Variants in SMURF1 observed in about 807,000 individuals in gnomAD.
The protein encoded by SMURF1 is E3 ubiquitin-protein ligase SMURF1.
SMURF1 carries 44 observed loss-of-function variants against 98.0 expected under a neutral mutation model. The ratio of observed to expected loss-of-function variants is 0.45; its 90% CI spans 0.35 to 0.58. The LOEUF (loss-of-function observed/expected upper bound fraction) is 0.58, where lower values mean the gene tolerates loss of function less well. Ranked by LOEUF, SMURF1 falls within the 20% of genes least tolerant of loss-of-function variation. SMURF1 has a pLI of 0.00. For missense variants in SMURF1, 687 were observed against 938.4 expected, an observed-to-expected ratio of 0.73 and a Z score of 3.50; for synonymous variants, 396 against 374.9, an observed-to-expected ratio of 1.06 and a Z score of -0.65.
At chr7:99,051,173 G>T (rs1234465796) in intron 8 of SMURF1, among the ~76,000 whole-genome samples, 184 bp downstream of exon 8, 1 of 152,262 alleles carries the variant, frequency 6.6e-6, no homozygotes, top group South Asian at 2.1e-4. Context: ...AATGACTCAC[G>T]TTTCAAATGT....
At chr7:99,038,571 C>G (rs760636861) in intron 13 of SMURF1, 46 bp from the exon 14 acceptor site, 1 of 1,594,354 alleles carries the variant, frequency 6.3e-7, no homozygotes, top group Non-Finnish European at 8.6e-7. Context: ...TCTGCCACCA[C>G]GCGGGGCCAT....
chr7:99,103,252 T>G (rs1235740661), intron 1 of SMURF1, among the ~76,000 whole-genome samples: 1 of 152,144 alleles, frequency 6.6e-6, no homozygotes, highest in Non-Finnish European at 1.5e-5. Flanking sequence ...TATACACCAC[T>G]CCCAGCACTG....
rs1486263224 is a variant in SMURF1, at chr7:99,035,594, A to G, written c.1932T>C (p.Asp644=). 3.7e-6 allele frequency: 6 copies of G among 1,614,066 alleles called. No individual in the cohort carries two copies. Among genetic ancestry groups the G allele is most frequent in the South Asian group, 3.3e-5 (3 of 91,078 alleles). ...RWFWQAVETF[D]EERRARLLQF... is the part of the protein sequence containing the mutation. Reference sequence around the variant, plus strand: ...GCAGGAGCCTGGCCCTCCTTTCTTCATCGAACGTCTCCACCGCTTGCCAGA... The same window carrying G: ...GCAGGAGCCTGGCCCTCCTTTCTTCGTCGAACGTCTCCACCGCTTGCCAGA... The change falls in exon 16 of 18, where the codon GAT becomes GAC. Residue 644 remains aspartate (D), a synonymous_variant. Coordinates refer to ENST00000361368, the MANE Select transcript of SMURF1 (RefSeq NM_181349.3).
intron 1 of SMURF1, among the ~76,000 whole-genome samples, chr7:99,117,772 G>C (rs1797493091): frequency 6.6e-6 from 1 of 151,912 alleles, no homozygotes; most frequent in African/African-American, 2.4e-5. Flanking sequence ...TCATATATCT[G>C]ATGAGTCTAA....
chr7:99,067,678 G>A (rs923755888), intron 1 of SMURF1, among the ~76,000 whole-genome samples: 3 of 152,086 alleles, frequency 2.0e-5, no homozygotes, highest in Admixed American at 6.6e-5. Context: ...GAGGTCGGGC[G>A]CAGTGGCTCA....
intron 8 of SMURF1, chr7:99,050,582 A>G (rs1795721960): frequency 5.3e-6 from 1 of 188,768 alleles, no homozygotes; most frequent in African/African-American, 2.3e-5. Context: ...AACACAATCT[A>G]CAGTCAGAAG....
intron 13 of SMURF1, among the ~76,000 whole-genome samples, chr7:99,040,144 T>C (rs576835106): frequency 1.3e-5 from 2 of 152,178 alleles, no homozygotes; most frequent in Non-Finnish European, 2.9e-5. Flanking sequence ...TGTATTTTTT[T>C]GCAGTAACGG....
At chr7:99,134,983 T>C (rs140639607) in intron 1 of SMURF1, among the ~76,000 whole-genome samples, 8 of 152,302 alleles carry the variant, frequency 5.3e-5, no homozygotes, top group Admixed American at 3.9e-4. Flanking sequence ...AAAATAAGTC[T>C]GTTCAGAGCT....
intron 1 of SMURF1, among the ~76,000 whole-genome samples, chr7:99,087,072 C>CA (rs1040520036): frequency 2.0e-5 from 3 of 151,726 alleles, no homozygotes; most frequent in Middle Eastern, 3.4e-3. Flanking sequence ...AATTTCATCT[C>CA]AAAAAAAATT....
At chr7:99,055,855 A>G (rs1795863172) in intron 5 of SMURF1, among the ~76,000 whole-genome samples, 1 of 152,118 alleles carries the variant, frequency 6.6e-6, no homozygotes, top group Non-Finnish European at 1.5e-5. Context: ...AACTCCAGCT[A>G]CTCAGGAGGC....
In SMURF1 at chr7:99,035,662, G is replaced by A. The variant is rs779719734; in HGVS notation, c.1864C>T (p.Arg622Trp). 9 of 1,614,088 alleles carry A rather than the reference G, an allele frequency of 5.6e-6. No homozygotes were observed. Among genetic ancestry groups the A allele is most frequent in the Non-Finnish European group, 7.6e-6 (9 of 1,180,048 alleles). ...CTGTCGGCCACACAGTGCTTCAGCC[G>A]CGTGTTCGACTTCCAGTCGTTCAAG... ...IDLNDWKSNT[R>W]LKHCVADSNI... The change falls in exon 16 of 18, where the codon CGG (arginine) becomes TGG (tryptophan). Residue 622 changes from arginine to tryptophan, a missense_variant. This residue lies in a region of SMURF1 where 272 missense variants were observed against 430.0 expected (regional missense o/e 0.63). Coordinates refer to ENST00000361368, the MANE Select transcript of SMURF1 (RefSeq NM_181349.3).
intron 1 of SMURF1, among the ~76,000 whole-genome samples, chr7:99,072,212 T>C (rs1233062247): frequency 1.3e-5 from 2 of 152,178 alleles, no homozygotes; most frequent in Non-Finnish European, 2.9e-5. Context: ...TTTATAGAGA[T>C]AGGATTTTGC....
chr7:99,057,524 G>C lies in SMURF1; in HGVS notation c.231C>G (p.Thr77=). ...DLYVGKTDSI[T]ISVWNHKKIH... ...TTTTCTTATGGTTCCACACGCTAAT[G>C]GTTATCGAATCCGTTTTCCCAACAT... Residue 77 remains threonine, a synonymous_variant, in exon 4 of 18, where the codon ACC becomes ACG. Transcript: ENST00000361368. The C allele has an allele frequency of 1.3e-6, 2 of 1,555,104 alleles. No individual in the cohort carries two copies. Among genetic ancestry groups the C allele is most frequent in the Non-Finnish European group, 1.7e-6 (2 of 1,157,864 alleles).
intron 7 of SMURF1, among the ~76,000 whole-genome samples, chr7:99,051,731 G>A (rs1795756663): frequency 6.6e-6 from 1 of 152,188 alleles, no homozygotes; most frequent in South Asian, 2.1e-4. Flanking sequence ...GAGATTTGGA[G>A]CAATTGCTGA....
intron 1 of SMURF1, among the ~76,000 whole-genome samples, chr7:99,141,845 A>G (rs1798124627): frequency 2.6e-5 from 4 of 152,204 alleles, no homozygotes; most frequent in African/African-American, 7.2e-5. Flanking sequence ...AAAGGACCTG[A>G]CCAAACCAGG....
intron 1 of SMURF1, among the ~76,000 whole-genome samples, chr7:99,082,175 T>G (rs1237339554): frequency 6.6e-6 from 1 of 152,232 alleles, no homozygotes; most frequent in African/African-American, 2.4e-5. Context: ...TTTATATATT[T>G]TAGAGACAAG....
At chr7:99,122,051 C>T (rs1797640961) in intron 1 of SMURF1, among the ~76,000 whole-genome samples, 1 of 152,126 alleles carries the variant, frequency 6.6e-6, no homozygotes, top group Non-Finnish European at 1.5e-5. Flanking sequence ...AATGTTAGGC[C>T]GGGCAGGTGG....
intron 13 of SMURF1, 72 bp downstream of exon 13, chr7:99,040,284 TACACACACACGCGCGCGCGCGC>T: frequency 8.0e-7 from 1 of 1,251,448 alleles, no homozygotes; most frequent in Non-Finnish European, 1.0e-6. Context: ...ATCCCCAAAA[TACACACACACGCGCGCGCGCGC>T]GCACGCGCAT....
rs1257230745 is a variant in SMURF1 at position 99,027,632 on chromosome 7, T to TA, written c.*2951dup. ...CAACTTTCACAAAATAAATCAGTGA[T>TA]AAAAACAGTGGGAAGGATAACAAGG... is the stretch of plus-strand genomic sequence containing the variant. On this transcript the variant is annotated 3_prime_UTR_variant, in exon 18 of 18. Transcript: ENST00000361368. The TA allele has an allele frequency of 6.6e-6, 1 of 152,502 alleles. No individual in the cohort carries two copies. Among genetic ancestry groups the TA allele is most frequent in the Non-Finnish European group, 1.5e-5 (1 of 68,012 alleles). 9.4% of individuals were successfully genotyped at this position (152,502 alleles called of 1,614,324 possible). A position where few individuals can be genotyped will look rare whatever the true frequency, so the allele number is the denominator to read the frequency against.
Sources: allele counts gnomAD v4.1 joint callset (sites outside exome capture counted in the v4.1 genomes callset), GRCh38; gene constraint gnomAD v4.1.1; regional missense constraint gnomAD v4.1.1; transcripts MANE v1.5; gene names NCBI Gene and HGNC (gene_info 2026-07-23, HGNC 2026-07-21).